Variants in ABCB1 observed in about 807,000 individuals in gnomAD.
The protein encoded by ABCB1 is ATP binding cassette subfamily B member 1.
ABCB1 carries 69 observed loss-of-function variants against 142.0 expected under a neutral mutation model. That is an observed-to-expected ratio of 0.49 (90% CI 0.40 to 0.59). The LOEUF (loss-of-function observed/expected upper bound fraction) is 0.59, where lower values mean the gene tolerates loss of function less well. ABCB1 is among the 20% of genes least tolerant of loss of function. The probability of loss-of-function intolerance (pLI) is 0.00; values close to 1 mark genes in which losing one functional copy is unlikely to be tolerated. For missense variants in ABCB1, 1,326 were observed against 1,554.7 expected (o/e 0.85, Z 2.47); for synonymous variants, 532 against 539.2 (o/e 0.99, Z 0.18).
rs1269015981 is a variant in ABCB1 at position 87,516,636 on chromosome 7, A to G, written c.2957T>C (p.Met986Thr). Residue 986 changes from methionine to threonine, a missense_variant, in exon 24 of 28, where the codon ATG (methionine) becomes ACG (threonine). Coordinates refer to ENST00000622132, the MANE Select transcript of ABCB1 (RefSeq NM_001348946.2). The stretch of plus-strand genomic sequence containing the variant: ...AAATGAACTGACTTGCCCCACGGCC[A>G]TGGCACCAAAGACAACAGCTGAAAA... ...LVFSAVVFGA[M>T]AVGQVSSFAP... is the part of the protein sequence containing the mutation. 4 of 1,613,916 alleles carry G rather than the reference A, an allele frequency of 2.5e-6. No individual in the cohort carries two copies. The highest frequency in any genetic ancestry group is 3.4e-6 in the Non-Finnish European group (4 of 1,180,004).
At chr7:87,697,700 G>A (rs1012312003) in intron 1 of ABCB1, among the ~76,000 whole-genome samples, 1 of 152,146 alleles carries the variant, frequency 6.6e-6, no homozygotes, top group Non-Finnish European at 1.5e-5. Context: ...GTATGCACTA[G>A]ACTCTTTGCT....
At chr7:87,522,230 G>T in intron 21 of ABCB1, 1 of 1,162,556 alleles carries the variant, frequency 8.6e-7, no homozygotes, top group East Asian at 2.3e-5. Flanking sequence ...TTTGGAGGTG[G>T]TGTAATGATT....
intron 1 of ABCB1, among the ~76,000 whole-genome samples, chr7:87,620,155 T>C (rs1291449786): frequency 6.6e-6 from 1 of 152,004 alleles, no homozygotes; most frequent in African/African-American, 2.4e-5. Flanking sequence ...TTTCTTTTCT[T>C]TTTTTTTCTT....
At chr7:87,670,571 T>C (rs999012736) in intron 1 of ABCB1, among the ~76,000 whole-genome samples, 1 of 152,228 alleles carries the variant, frequency 6.6e-6, no homozygotes, top group Non-Finnish European at 1.5e-5. Flanking sequence ...TTACTGGAGC[T>C]CTTGCATTGG....
intron 1 of ABCB1, among the ~76,000 whole-genome samples, chr7:87,685,304 G>A (rs1827348657): frequency 6.6e-6 from 1 of 152,082 alleles, no homozygotes; most frequent in Admixed American, 6.6e-5. Context: ...CATCAAAGAA[G>A]ATACACATAT....
In ABCB1 at chr7:87,566,940, C is replaced by A. The variant is rs906516882; in HGVS notation, c.375G>T (p.Val125=). The A allele has an allele frequency of 3.7e-6, 6 of 1,614,034 alleles. No homozygotes were observed. The highest frequency in any genetic ancestry group is 1.3e-5 in the African/African-American group (1 of 74,918). The change falls in exon 6 of 28, where the codon GTG becomes GTT. Residue 125 remains valine, a synonymous_variant. Transcript: ENST00000622132. ...AAACCTGAATGTAAGCAGCAACCAG[C>A]ACCCCAGCACCAATTCCACTGTAAT... ...AYYYSGIGAG[V]LVAAYIQVSF... is the part of the protein sequence containing the mutation.
intron 1 of ABCB1, among the ~76,000 whole-genome samples, chr7:87,644,515 A>G (rs1822786936): frequency 6.6e-6 from 1 of 152,180 alleles, no homozygotes; most frequent in Non-Finnish European, 1.5e-5. Context: ...ACTCTTATTA[A>G]TGACTTTAAC....
At chr7:87,577,821 C>A (rs188215319) in intron 4 of ABCB1, among the ~76,000 whole-genome samples, 84 of 152,300 alleles carry the variant, frequency 5.5e-4, no homozygotes, top group African/African-American at 1.9e-3. Context: ...GGTTATTAAT[C>A]TGATGTCAGA....
At chr7:87,517,940 T>G (rs1317463296) in intron 23 of ABCB1, among the ~76,000 whole-genome samples, 1 of 152,208 alleles carries the variant, frequency 6.6e-6, no homozygotes, top group African/African-American at 2.4e-5. Flanking sequence ...AAGAAAAAAT[T>G]TACTTCCTTT....
chr7:87,590,491 G>T (rs1818955392), intron 3 of ABCB1, among the ~76,000 whole-genome samples: 1 of 152,192 alleles, frequency 6.6e-6, no homozygotes, highest in South Asian at 2.1e-4. Context: ...TAGATTGGCT[G>T]GTCAGAGAAT....
In ABCB1 at chr7:87,655,339, A is replaced by G. The variant is rs116203241; in HGVS notation, c.-330-54261T>C. Among the ~76,000 whole-genome samples, 438 of 152,216 alleles carry G rather than the reference A, an allele frequency of 2.9e-3. 1 individual carries two copies. Among genetic ancestry groups the G allele is most frequent in the African/African-American group, 0.01 (419 of 41,536 alleles). ...CAACCTAATTGTCCATCTACTGATG[A>G]GTCGATAAAAAAAAAGTTGCGTATA... On this transcript the variant is annotated intron_variant, in intron 1 of 28. Transcript: ENST00000265724.
intron 3 of ABCB1, among the ~76,000 whole-genome samples, chr7:87,591,500 C>T (rs1047899204): frequency 6.6e-6 from 1 of 152,114 alleles, no homozygotes; most frequent in East Asian, 1.9e-4. Flanking sequence ...TAGAGGAAAG[C>T]TCACCCAGAC....
At chr7:87,617,583 A>G (rs774633134) in intron 1 of ABCB1, among the ~76,000 whole-genome samples, 13 of 152,326 alleles carry the variant, frequency 8.5e-5, no homozygotes, top group Admixed American at 7.8e-4. Context: ...GGAACTTACT[A>G]AAGTTTTAAA....
intron 4 of ABCB1, among the ~76,000 whole-genome samples, chr7:87,574,586 C>T (rs1458405519): frequency 6.6e-6 from 1 of 152,186 alleles, no homozygotes. Flanking sequence ...GCTGTAAGCA[C>T]ACCGAAGAGT....
intron 1 of ABCB1, among the ~76,000 whole-genome samples, chr7:87,692,698 A>G (rs984079710): frequency 1.3e-5 from 2 of 152,198 alleles, no homozygotes; most frequent in African/African-American, 4.8e-5. Flanking sequence ...TAGGACAGAG[A>G]TAGTAAATGT....
intron 2 of ABCB1, 152 bp downstream of exon 2, chr7:87,599,965 C>A: frequency 1.3e-6 from 1 of 747,046 alleles, no homozygotes; most frequent in Non-Finnish European, 2.2e-6. Flanking sequence ...AACTTCTGCT[C>A]TAAGCAGGGA....
intron 1 of ABCB1, among the ~76,000 whole-genome samples, chr7:87,641,985 T>C (rs1262673688): frequency 6.6e-6 from 1 of 152,074 alleles, no homozygotes; most frequent in Admixed American, 6.6e-5. Context: ...TCACAAAACA[T>C]CTGTATCTTA....
At chr7:87,697,039 A>G (rs1828552424) in intron 1 of ABCB1, among the ~76,000 whole-genome samples, 1 of 152,148 alleles carries the variant, frequency 6.6e-6, no homozygotes, top group African/African-American at 2.4e-5. Context: ...CCTACAAGTT[A>G]TTTTCTTCAG....
At position 87,549,344 on chromosome 7, in the gene ABCB1, T is replaced by A. The variant is rs751777121; in HGVS notation, c.1725+4A>T. 1 of 1,614,088 alleles carries A rather than the reference T, an allele frequency of 6.2e-7. No homozygotes were observed. The highest frequency in any genetic ancestry group is 8.5e-7 in the Non-Finnish European group (1 of 1,180,030). On this transcript the variant is annotated splice_donor_region_variant and intron_variant, in intron 14 of 27. Coordinates refer to ENST00000622132, the MANE Select transcript of ABCB1 (RefSeq NM_001348946.2). ...CAGGTTGGTTTGAACTAAGCCTCAC[T>A]GACCTTATCCAGAGCCACCTGAACC...
Sources: allele counts gnomAD v4.1 joint callset (sites outside exome capture counted in the v4.1 genomes callset), GRCh38; gene constraint gnomAD v4.1.1; transcripts MANE v1.5; gene names NCBI Gene and HGNC (gene_info 2026-07-23, HGNC 2026-07-21).